UTS2: variants seen among roughly 807,000 people sequenced by gnomAD.
UTS2 encodes the protein urotensin 2.
A neutral mutation model predicts 12.6 loss-of-function variants in UTS2; 10 were observed. That is an observed-to-expected ratio of 0.80 (90% CI 0.49 to 1.35). UTS2 has a LOEUF of 1.35. Ranked by LOEUF, UTS2 falls within the 40% of genes most tolerant of loss-of-function variation. The probability of loss-of-function intolerance (pLI) is 0.00; values close to 1 mark genes in which losing one functional copy is unlikely to be tolerated. For missense variants in UTS2, 142 were observed against 143.2 expected (o/e 0.99, Z 0.04); for synonymous variants, 52 against 50.0 (o/e 1.04, Z -0.17).
At position 7,853,025 on chromosome 1, in the gene UTS2, T is replaced by G; in HGVS notation, c.-22A>C. On this transcript the variant is annotated 5_prime_UTR_variant, in exon 1 of 4. Coordinates refer to ENST00000361696, the MANE Select transcript of UTS2 (RefSeq NM_006786.4). ...ACATGATCGCCACAAGATAGACGGCTTCCTTCTTGGCTTCTGTTGTAGAGA... is the reference window on the plus strand; with the variant it reads ...ACATGATCGCCACAAGATAGACGGCGTCCTTCTTGGCTTCTGTTGTAGAGA... 2 of 1,598,178 alleles carry G rather than the reference T, an allele frequency of 1.3e-6. No individual in the cohort carries two copies. The highest frequency in any genetic ancestry group is 1.7e-6 in the Non-Finnish European group (2 of 1,175,426).
At position 7,848,046 on chromosome 1, in the gene UTS2, G is replaced by A. The variant is rs565927824; in HGVS notation, c.259-164C>T. On this transcript the variant is annotated intron_variant, in intron 3 of 3. Transcript: ENST00000361696. ...ATTGTAACAAGAGTGTCCCGGGCCC[G>A]TGGGGCTCCTGTGCCCACCTCCCTA... Among the ~76,000 whole-genome samples the A allele has an allele frequency of 6.6e-5, 10 of 152,280 alleles. No individual in the cohort carries two copies. The South Asian group carries it at 1.2e-3, about 19-fold the overall frequency.
chr1:7,863,897 G>A, the UTS2 span, among the ~76,000 whole-genome samples: 1 of 152,228 alleles, frequency 6.6e-6, no homozygotes, highest in Non-Finnish European at 1.5e-5. Context: ...AGATGACCTG[G>A]CCCGGCCATC....
At chr1:7,896,331 G>A in the UTS2 span, among the ~76,000 whole-genome samples, 1 of 151,812 alleles carries the variant, frequency 6.6e-6, no homozygotes, top group African/African-American at 2.4e-5. Flanking sequence ...TTAAGACAGA[G>A]GTTAAAACTT....
At chr1:7,883,544 T>C in the UTS2 span, among the ~76,000 whole-genome samples, 1 of 152,198 alleles carries the variant, frequency 6.6e-6, no homozygotes, top group Non-Finnish European at 1.5e-5. Flanking sequence ...AGACTTAAAA[T>C]GCTCCCAACA....
the UTS2 span, among the ~76,000 whole-genome samples, chr1:7,904,900 T>C: frequency 1.6e-5 from 1 of 62,698 alleles, no homozygotes; most frequent in Admixed American, 2.6e-4. Flanking sequence ...TGAGACTCTG[T>C]CTCAAAAAAA....
chr1:7,852,885 A>G lies in UTS2; in HGVS notation c.103+16T>C, dbSNP rs766626737. The G allele has an allele frequency of 1.7e-4, 240 of 1,453,272 alleles. No individual in the cohort carries two copies. The highest frequency in any genetic ancestry group is 2.0e-4 in the Non-Finnish European group (214 of 1,080,850). 90.0% of individuals were successfully genotyped at this position (1,453,272 alleles called of 1,614,324 possible). On this transcript the variant is annotated intron_variant, in intron 1 of 3. Coordinates refer to ENST00000361696, the MANE Select transcript of UTS2 (RefSeq NM_006786.4). ...GCTCTTTCAAGACTAACATAAGGGG[A>G]AAAAAAAAATCTTACCTGAGAGTTG...
chr1:7,848,867 A>T (rs998175574), intron 3 of UTS2, among the ~76,000 whole-genome samples: 1 of 152,014 alleles, frequency 6.6e-6, no homozygotes, highest in Non-Finnish European at 1.5e-5. Context: ...CCTCCATTAG[A>T]TGTTGTCTTG....
At chr1:7,910,569 C>G in the UTS2 span, among the ~76,000 whole-genome samples, 1 of 152,206 alleles carries the variant, frequency 6.6e-6, no homozygotes, top group Non-Finnish European at 1.5e-5. Flanking sequence ...TTTGGGTCTT[C>G]ATTCTGAAGG....
At chr1:7,897,726 A>G in the UTS2 span, among the ~76,000 whole-genome samples, 1 of 152,104 alleles carries the variant, frequency 6.6e-6, no homozygotes. Context: ...AGCTGGGATT[A>G]CAGGCACCCG....
chr1:7,861,915 C>CTT, the UTS2 span, among the ~76,000 whole-genome samples: 152 of 142,978 alleles, frequency 1.1e-3, no homozygotes, highest in African/African-American at 3.5e-3. Flanking sequence ...CAAAACACCT[C>CTT]TTTTTTTTTT....
the UTS2 span, among the ~76,000 whole-genome samples, chr1:7,861,252 G>A: frequency 6.6e-6 from 1 of 152,088 alleles, no homozygotes; most frequent in Non-Finnish European, 1.5e-5. Flanking sequence ...TAGGTTGGAG[G>A]GGATCGTCAG....
the UTS2 span, among the ~76,000 whole-genome samples, chr1:7,900,874 C>T: frequency 6.6e-6 from 1 of 152,176 alleles, no homozygotes. Context: ...TCACAGAATA[C>T]CTAGGAGAAG....
chr1:7,882,693 C>A, the UTS2 span, among the ~76,000 whole-genome samples: 1 of 152,192 alleles, frequency 6.6e-6, no homozygotes, highest in Admixed American at 6.5e-5. Context: ...CCAGACTATA[C>A]ATGGAACGCA....
the UTS2 span, among the ~76,000 whole-genome samples, chr1:7,883,835 A>G: frequency 6.7e-6 from 1 of 150,204 alleles, no homozygotes; most frequent in Non-Finnish European, 1.5e-5. Flanking sequence ...TTTTTTAGCA[A>G]TAAAATATTC....
At chr1:7,847,936 C>G (rs1415726815) in intron 3 of UTS2, 54 bp from the exon 4 acceptor site, 4 of 1,263,980 alleles carry the variant, frequency 3.2e-6, no homozygotes, top group Non-Finnish European at 4.5e-6. Context: ...AAGTTACCAA[C>G]GAGTGACGAT....
At chr1:7,867,378 T>C in the UTS2 span, among the ~76,000 whole-genome samples, 1 of 152,044 alleles carries the variant, frequency 6.6e-6, no homozygotes, top group Non-Finnish European at 1.5e-5. Flanking sequence ...ATCATTAAGA[T>C]AAAAATGGGG....
chr1:7,904,903 CAA>C, the UTS2 span, among the ~76,000 whole-genome samples: 2,252 of 57,972 alleles, frequency 0.039, 13 homozygotes, highest in African/African-American at 0.13. Flanking sequence ...GACTCTGTCT[CAA>C]AAAAAAAAAA....
chr1:7,873,906 C>G, the UTS2 span, among the ~76,000 whole-genome samples: 3 of 151,950 alleles, frequency 2.0e-5, no homozygotes, highest in Non-Finnish European at 2.9e-5. Context: ...TGCAGCAAAC[C>G]TCATCATTGT....
chr1:7,879,759 A>T, the UTS2 span, among the ~76,000 whole-genome samples: 5 of 150,362 alleles, frequency 3.3e-5, no homozygotes, highest in Non-Finnish European at 5.9e-5. Flanking sequence ...AACAACAACA[A>T]AAGTCTTGAA....
Sources: gnomAD v4.1 joint callset for allele counts (sites outside exome capture counted in the v4.1 genomes callset) on GRCh38, gnomAD v4.1.1 for gene constraint, MANE v1.5 for transcripts, NCBI Gene and HGNC (gene_info 2026-07-23, HGNC 2026-07-21) for gene names.